Variants in ARHGAP44 observed in about 807,000 individuals in gnomAD.
The protein encoded by ARHGAP44 is Rho GTPase activating protein 44.
In ARHGAP44, 43 loss-of-function variants were observed where a neutral mutation model predicts 106.8. The observed-to-expected ratio is 0.40, with a 90% CI of 0.32 to 0.52. ARHGAP44 has a LOEUF of 0.52. ARHGAP44 is among the 20% of genes least tolerant of loss of function. The pLI is 0.48. For missense variants in ARHGAP44, 866 were observed against 1,050.5 expected (o/e 0.82, Z 2.43); for synonymous variants, 439 against 410.3 (o/e 1.07, Z -0.85).
intron 1 of ARHGAP44, among the ~76,000 whole-genome samples, chr17:12,815,557 C>T (rs2034575551): frequency 6.6e-6 from 1 of 151,998 alleles, no homozygotes; most frequent in South Asian, 2.1e-4. Context: ...AATTAGAGCC[C>T]CCATGACTCC....
intron 20 of ARHGAP44, 129 bp from the exon 21 acceptor site, chr17:12,989,903 A>T: frequency 1.5e-6 from 2 of 1,364,392 alleles, no homozygotes; most frequent in Non-Finnish European, 2.0e-6. Context: ...GCTTAAACCA[A>T]CCTCCAAATG....
At chr17:12,849,642 C>T (rs183572297) in intron 1 of ARHGAP44, among the ~76,000 whole-genome samples, 1 of 127,494 alleles carries the variant, frequency 7.8e-6, no homozygotes, top group Non-Finnish European at 1.6e-5. Context: ...CCCAAAGCAT[C>T]CTGCTGTTGC....
intron 1 of ARHGAP44, among the ~76,000 whole-genome samples, chr17:12,805,291 A>G (rs2034238348): frequency 6.6e-6 from 1 of 152,112 alleles, no homozygotes; most frequent in Non-Finnish European, 1.5e-5. Context: ...CTTTGCAGGG[A>G]TTGGGGTTTC....
chr17:12,937,674 G>T (rs1281559523), intron 7 of ARHGAP44, among the ~76,000 whole-genome samples: 2 of 152,130 alleles, frequency 1.3e-5, no homozygotes, highest in Non-Finnish European at 2.9e-5. Context: ...TGACTTCAAA[G>T]CCCCCTGCGT....
At chr17:12,935,012 GGC>G (rs1489762032) in intron 7 of ARHGAP44, among the ~76,000 whole-genome samples, 3 of 152,144 alleles carry the variant, frequency 2.0e-5, no homozygotes, top group African/African-American at 7.2e-5. Context: ...GTTGCCTGCA[GGC>G]ATCCTCTGTG....
At chr17:12,915,853 T>C in intron 4 of ARHGAP44, 47 bp from the exon 5 acceptor site, 1 of 1,526,674 alleles carries the variant, frequency 6.6e-7, no homozygotes, top group South Asian at 1.2e-5. Context: ...GCCAGTGAAA[T>C]GTTGTCTTCA....
At chr17:12,938,274 TTTGA>T (rs1307975842) in intron 7 of ARHGAP44, among the ~76,000 whole-genome samples, 1 of 152,198 alleles carries the variant, frequency 6.6e-6, no homozygotes, top group Non-Finnish European at 1.5e-5. Context: ...CCAGAATTAA[TTTGA>T]TTAATACTGT....
At chr17:12,863,420 A>T (rs983586293) in intron 1 of ARHGAP44, among the ~76,000 whole-genome samples, 5 of 152,200 alleles carry the variant, frequency 3.3e-5, no homozygotes, top group African/African-American at 1.2e-4. Flanking sequence ...CACTGAGATA[A>T]CTCAAGATAT....
intron 9 of ARHGAP44, 84 bp from the exon 10 acceptor site, chr17:12,943,985 A>G: frequency 6.8e-7 from 1 of 1,460,558 alleles, no homozygotes; most frequent in Non-Finnish European, 9.1e-7. Flanking sequence ...TCTTAGGAGA[A>G]TCTGGACAAC....
intron 1 of ARHGAP44, among the ~76,000 whole-genome samples, chr17:12,793,434 G>A (rs1482605076): frequency 2.0e-5 from 3 of 152,266 alleles, no homozygotes; most frequent in Admixed American, 6.5e-5. Context: ...TAGGCCGGGC[G>A]TGGTGGCTCA....
intron 1 of ARHGAP44, among the ~76,000 whole-genome samples, chr17:12,842,610 T>C (rs1410073513): frequency 1.3e-5 from 2 of 152,036 alleles, no homozygotes. Flanking sequence ...GCCCAGTAAA[T>C]TGCATTCCTA....
chr17:12,958,813 C>T lies in ARHGAP44; in HGVS notation c.1439C>T (p.Ala480Val). 1 of 1,607,928 alleles carries T rather than the reference C, an allele frequency of 6.2e-7. No homozygotes were observed. Among genetic ancestry groups the T allele is most frequent in the Non-Finnish European group, 8.5e-7 (1 of 1,177,364 alleles). The change falls in exon 16 of 21, where the codon GCT becomes GTT. Residue 480 changes from alanine to valine, a missense_variant. Coordinates refer to ENST00000379672, the MANE Select transcript of ARHGAP44 (RefSeq NM_014859.6). This position sits in a 1 kb window ranked among gnomAD's most constrained non-coding sequence, Gnocchi z 4.1. ...SSMPSPDMDP[A>V]DRRQPEQARR... ...ATGCCCTCCCCAGACATGGACCCTG[C>T]TGACCGGCGCCAGCCCGAGCAGGCC...
At chr17:12,918,785 C>T (rs1375488707) in intron 5 of ARHGAP44, among the ~76,000 whole-genome samples, 1 of 152,072 alleles carries the variant, frequency 6.6e-6, no homozygotes, top group Admixed American at 6.5e-5. Context: ...CACTTTTGGC[C>T]CTTCTGGAAG....
At chr17:12,963,731 C>CACCAGTGCCGTGT (rs1385080977) in intron 16 of ARHGAP44, among the ~76,000 whole-genome samples, 2 of 152,142 alleles carry the variant, frequency 1.3e-5, no homozygotes, top group South Asian at 2.1e-4. Flanking sequence ...GCCGGCCTTG[C>CACCAGTGCCGTGT]GAAGCCCTGC....
intron 1 of ARHGAP44, among the ~76,000 whole-genome samples, chr17:12,884,706 A>T (rs1197285978): frequency 6.6e-6 from 1 of 151,994 alleles, no homozygotes; most frequent in African/African-American, 2.4e-5. Flanking sequence ...CCCCACCCCC[A>T]TCTACATCAC....
At position 12,880,466 on chromosome 17, in the gene ARHGAP44, A is replaced by C. The variant is rs2036693905; in HGVS notation, c.54-14474A>C. Among the ~76,000 whole-genome samples, 6 of 151,918 alleles carry C rather than the reference A, an allele frequency of 3.9e-5. No homozygotes were observed. In the South Asian group the frequency reaches 1.3e-3, roughly 32 times the overall value. On this transcript the variant is annotated intron_variant, in intron 1 of 20. Transcript: ENST00000379672. ...AGGTGTTTAATGGTGTTTGCTTTTG[A>C]GCTTTATGAAAATGGTTATCGTAAT...
intron 1 of ARHGAP44, among the ~76,000 whole-genome samples, chr17:12,838,710 G>T (rs1177430937): frequency 2.0e-5 from 3 of 152,056 alleles, no homozygotes; most frequent in African/African-American, 7.2e-5. Flanking sequence ...CACTCTTGCT[G>T]CCCCAGATTG....
Position 12,949,301 on chromosome 17 carries a change from G to A in ARHGAP44, c.973+50G>A. ...GTGCCATGGAGGCTCACAGGGAAGG[G>A]GTAGAGGGGAGGCTGTGTGGCTACA... On this transcript the variant is annotated intron_variant, in intron 11 of 20. Transcript: ENST00000379672. This position sits in a 1 kb window ranked among gnomAD's most constrained non-coding sequence, Gnocchi z 4.1. The A allele has an allele frequency of 6.6e-7, 1 of 1,522,238 alleles. No homozygotes were observed. The allele number at this position is 1,522,238 out of a possible 1,614,324, so 94.3% of individuals were successfully genotyped here.
At position 12,984,667 on chromosome 17, in the gene ARHGAP44, G is replaced by A. The variant is rs749810411; in HGVS notation, c.2076G>A (p.Leu692=). Residue 692 remains leucine, a synonymous_variant, in exon 20 of 21, where the codon CTG becomes CTA. Transcript: ENST00000379672. ...CCAGCACCCCGTCACCCTATGGACT[G>A]AGCTACCCTCAGGGGTACTCCTTGG... ...TPPSTPSPYG[L]SYPQGYSLAS... The A allele has an allele frequency of 8.1e-6, 13 of 1,612,486 alleles. No individual in the cohort carries two copies. Among genetic ancestry groups the A allele is most frequent in the Middle Eastern group, 1.6e-4 (1 of 6,078 alleles).
Sources: allele counts gnomAD v4.1 joint callset (sites outside exome capture counted in the v4.1 genomes callset), GRCh38; gene constraint gnomAD v4.1.1; non-coding constraint Gnocchi (gnomAD v3.1); transcripts MANE v1.5; gene names NCBI Gene and HGNC (gene_info 2026-07-23, HGNC 2026-07-21).